The following KIF26B variants were observed in gnomAD, a reference collection of about 807,000 sequenced individuals.
The protein encoded by KIF26B is kinesin-like protein KIF26B.
A neutral mutation model predicts 151.2 loss-of-function variants in KIF26B; 63 were observed. The observed-to-expected ratio is 0.42, with a 90% CI of 0.34 to 0.51. The LOEUF is 0.51. KIF26B is among the 20% of genes least tolerant of loss of function. The pLI, the probability that KIF26B is intolerant of heterozygous loss-of-function variation, is 0.07. For synonymous variants in KIF26B, 1,357 were observed against 1,262.1 expected (o/e 1.08, Z -1.59); for missense variants, 2,813 against 2,913.6 (o/e 0.97, Z 0.79).
At chr1:245,497,246 C>A (rs1387825172) in intron 4 of KIF26B, among the ~76,000 whole-genome samples, 1 of 151,688 alleles carries the variant, frequency 6.6e-6, no homozygotes, top group East Asian at 1.9e-4. Context: ...AGTCTGTAAT[C>A]ATAGAAACAA....
chr1:245,199,320 C>A (rs1325881432), intron 2 of KIF26B, among the ~76,000 whole-genome samples: 1 of 152,024 alleles, frequency 6.6e-6, no homozygotes, highest in Non-Finnish European at 1.5e-5. Flanking sequence ...CTCCTCCCTC[C>A]CTCCTCCCTT....
chr1:245,607,894 C>A (rs74154480), intron 7 of KIF26B, 150 bp downstream of exon 7: 1 of 625,360 alleles, frequency 1.6e-6, no homozygotes, highest in East Asian at 2.8e-5. Context: ...AGTTATACGA[C>A]GAAAACCTAT....
chr1:245,203,489 GGCATAT>G (rs1669342605), intron 2 of KIF26B, among the ~76,000 whole-genome samples: 1 of 152,020 alleles, frequency 6.6e-6, no homozygotes, highest in African/African-American at 2.4e-5. Flanking sequence ...ATTTTAGCTG[GGCATAT>G]GCCCAAACAG....
chr1:245,322,294 C>T (rs964408732), intron 2 of KIF26B, among the ~76,000 whole-genome samples: 5 of 152,044 alleles, frequency 3.3e-5, no homozygotes, highest in African/African-American at 7.2e-5. Flanking sequence ...ACCTAGATGA[C>T]GGGTTGATAG....
At chr1:245,425,583 T>G (rs1232181511) in intron 4 of KIF26B, among the ~76,000 whole-genome samples, 4 of 152,182 alleles carry the variant, frequency 2.6e-5, no homozygotes, top group African/African-American at 9.7e-5. Context: ...ATTTTTGTAT[T>G]TTTAGTAGAG....
At chr1:245,673,058 C>T (rs964998929) in intron 10 of KIF26B, among the ~76,000 whole-genome samples, 1 of 150,124 alleles carries the variant, frequency 6.7e-6, no homozygotes, top group Non-Finnish European at 1.5e-5. Context: ...CCCCACTGCA[C>T]GCTGTCATCT....
intron 3 of KIF26B, among the ~76,000 whole-genome samples, chr1:245,407,141 G>T (rs1425770662): frequency 1.3e-5 from 2 of 152,142 alleles, no homozygotes; most frequent in Non-Finnish European, 2.9e-5. Context: ...TTTTGTGACA[G>T]GGTCTTTAAA....
intron 2 of KIF26B, among the ~76,000 whole-genome samples, chr1:245,168,141 T>A (rs950003618): frequency 1.3e-5 from 2 of 152,238 alleles, no homozygotes; most frequent in African/African-American, 4.8e-5. Context: ...TCTGTGAAGC[T>A]GAGGCTTTGG....
At chr1:245,492,460 T>G (rs1660428015) in intron 4 of KIF26B, among the ~76,000 whole-genome samples, 1 of 152,256 alleles carries the variant, frequency 6.6e-6, no homozygotes, top group Non-Finnish European at 1.5e-5. Context: ...CCTCAGTTTC[T>G]CTTTGTGTAT....
At chr1:245,284,677 C>T (rs1358956999) in intron 2 of KIF26B, among the ~76,000 whole-genome samples, 1 of 152,206 alleles carries the variant, frequency 6.6e-6, no homozygotes, top group Non-Finnish European at 1.5e-5. Context: ...AATAAAATAG[C>T]ATACCAGATA....
At chr1:245,476,616 G>A (rs1046884908) in intron 4 of KIF26B, among the ~76,000 whole-genome samples, 1 of 151,308 alleles carries the variant, frequency 6.6e-6, no homozygotes, top group East Asian at 1.9e-4. Flanking sequence ...GCTCACTGCA[G>A]CCTTGACCTC....
At position 245,642,791 on chromosome 1, in the gene KIF26B, A is replaced by C. The variant is rs527289362; in HGVS notation, c.2099-3330A>C. The stretch of plus-strand genomic sequence containing the variant: ...TGTGTCACCCAGCAAGTTCCTGTAG[A>C]GATAGAATAGTTATCTGATTACAGA... On this transcript the variant is annotated intron_variant, in intron 9 of 14. Coordinates refer to ENST00000407071, the MANE Select transcript of KIF26B (RefSeq NM_018012.4). Among the ~76,000 whole-genome samples, 3 of 152,134 alleles carry C rather than the reference A, an allele frequency of 2.0e-5. No homozygotes were observed. The East Asian group carries it at 5.8e-4, about 30-fold the overall frequency.
intron 10 of KIF26B, among the ~76,000 whole-genome samples, chr1:245,682,259 G>T (rs2044449873): frequency 6.6e-6 from 1 of 151,160 alleles, no homozygotes; most frequent in East Asian, 1.9e-4. Context: ...AAAAAAGAAA[G>T]AAAAAAAAAG....
At chr1:245,354,212 G>A (rs759031105) in intron 2 of KIF26B, among the ~76,000 whole-genome samples, 2 of 152,174 alleles carry the variant, frequency 1.3e-5, no homozygotes, top group South Asian at 2.1e-4. Context: ...AGAATTGTAC[G>A]AAATTATACC....
At chr1:245,395,228 T>C (rs1673805184) in intron 3 of KIF26B, among the ~76,000 whole-genome samples, 1 of 152,202 alleles carries the variant, frequency 6.6e-6, no homozygotes, top group Admixed American at 6.5e-5. Context: ...AAACTCACTA[T>C]TGGAGTGTTT....
intron 10 of KIF26B, among the ~76,000 whole-genome samples, chr1:245,682,073 G>A (rs982469579): frequency 1.4e-4 from 21 of 152,170 alleles, no homozygotes; most frequent in Middle Eastern, 3.4e-3. Flanking sequence ...GTGAAACCCC[G>A]TCTCTACTAA....
chr1:245,394,543 A>G (rs1673776721), intron 3 of KIF26B, among the ~76,000 whole-genome samples: 1 of 152,034 alleles, frequency 6.6e-6, no homozygotes, highest in Non-Finnish European at 1.5e-5. Context: ...GAATTGCTTG[A>G]ACCAGGGAGG....
chr1:245,605,565 G>T lies in KIF26B; in HGVS notation c.1558-2086G>T, dbSNP rs182672595. Among the ~76,000 whole-genome samples the T allele has an allele frequency of 6.2e-4, 95 of 152,316 alleles. 2 individuals are homozygous for T. Among genetic ancestry groups the T allele is most frequent in the African/African-American group, 1.8e-3 (74 of 41,584 alleles). On this transcript the variant is annotated intron_variant, in intron 6 of 14. Transcript: ENST00000407071. ...TCAGTGGCTTCGGCAGTCGCTGGCT[G>T]CCCCTGTTGGGACACGTCTCTGCTG... is the stretch of plus-strand genomic sequence containing the variant.
chr1:245,327,361 A>G (rs74539701), intron 2 of KIF26B, among the ~76,000 whole-genome samples: 2,355 of 152,340 alleles, frequency 0.015, 65 homozygotes, highest in African/African-American at 0.053. Flanking sequence ...TGCTCAGAGC[A>G]TAGAATAAGT....
Sources: allele counts gnomAD v4.1 joint callset (sites outside exome capture counted in the v4.1 genomes callset), GRCh38; gene constraint gnomAD v4.1.1; transcripts MANE v1.5; gene names NCBI Gene and HGNC (gene_info 2026-07-23, HGNC 2026-07-21).